The following PARP9 variants were observed in gnomAD, a reference collection of about 807,000 sequenced individuals.
PARP9 encodes protein mono-ADP-ribosyltransferase PARP9.
In PARP9, 48 loss-of-function variants were observed where a neutral mutation model predicts 68.8. The observed-to-expected ratio is 0.70, with a 90% CI of 0.55 to 0.89. The LOEUF (loss-of-function observed/expected upper bound fraction) is 0.89, where lower values mean the gene tolerates loss of function less well. PARP9 is among the 40% of genes least tolerant of loss of function. The pLI is 0.00. For synonymous variants in PARP9, 309 were observed against 333.8 expected (o/e 0.93, Z 0.81); for missense variants, 806 against 969.3 (o/e 0.83, Z 2.24).
Position 122,555,881 on chromosome 3 carries a change from A to G in PARP9, c.290T>C (p.Val97Ala). Reference sequence around the variant, plus strand: ...ATTGGCTGCATTCACCACAGCATCAACAGCATGTGTGGTGAGGTCATCTTT... The same window carrying G: ...ATTGGCTGCATTCACCACAGCATCAGCAGCATGTGTGGTGAGGTCATCTTT... ...VWKDDLTTHAVDAVVNAANED... is the reference protein window; with the variant it reads ...VWKDDLTTHAADAVVNAANED... The change falls in exon 4 of 11, where the codon GTT becomes GCT. Residue 97 changes from valine (V) to alanine (A), a missense_variant. Physicochemically the swap from Val to Ala is moderately conservative, Grantham distance 64. Coordinates refer to ENST00000682323, the MANE Select transcript of PARP9 (RefSeq NM_001146105.2). The G allele has an allele frequency of 6.2e-7, 1 of 1,614,104 alleles. No homozygotes were observed. The highest frequency in any genetic ancestry group is 8.5e-7 in the Non-Finnish European group (1 of 1,180,010).
In PARP9 at chr3:122,555,283, T is replaced by A. The variant is rs377056083; in HGVS notation, c.885+3A>T. 1 of 1,600,972 alleles carries A rather than the reference T, an allele frequency of 6.2e-7. No individual in the cohort carries two copies. Among genetic ancestry groups the A allele is most frequent in the Non-Finnish European group, 8.5e-7 (1 of 1,173,746 alleles). ...GTGCAAGAGAATAGAAACAAAGACT[T>A]ACCGTCTGCCATTCAATGTGGCCCT... On this transcript the variant is annotated splice_donor_region_variant and intron_variant, in intron 4 of 10. Coordinates refer to ENST00000682323, the MANE Select transcript of PARP9 (RefSeq NM_001146105.2).
upstream of PARP9, chr3:122,564,610 G>T (rs1351902821): frequency 1.3e-6 from 2 of 1,589,580 alleles, no homozygotes; most frequent in Admixed American, 3.6e-5. Flanking sequence ...CAGTGAAAGG[G>T]CAGGTGAGCT....
At chr3:122,549,953 G>A (rs927876911) in intron 6 of PARP9, among the ~76,000 whole-genome samples, 1 of 152,030 alleles carries the variant, frequency 6.6e-6, no homozygotes, top group Non-Finnish European at 1.5e-5. Flanking sequence ...GATGAGAGAG[G>A]GGCAAGGACC....
intron 4 of PARP9, among the ~76,000 whole-genome samples, 161 bp from the exon 5 acceptor site, chr3:122,552,800 A>G (rs2079318001): frequency 6.6e-6 from 1 of 152,196 alleles, no homozygotes; most frequent in Non-Finnish European, 1.5e-5. Flanking sequence ...ATTTCCAAAG[A>G]GTGATTATTT....
intron 2 of PARP9, 99 bp from the exon 3 acceptor site, chr3:122,558,566 C>T (rs2079911762): frequency 7.0e-7 from 1 of 1,430,468 alleles, no homozygotes; most frequent in East Asian, 2.3e-5. Flanking sequence ...CAATGGAAAT[C>T]CTGCTCAAAG....
intron 3 of PARP9, 25 bp from the exon 4 acceptor site, chr3:122,556,146 A>AG: frequency 1.9e-6 from 1 of 530,686 alleles, no homozygotes; most frequent in Non-Finnish European, 2.5e-6. Flanking sequence ...AAGATTAAAA[A>AG]AAAAAAAAAA....
At chr3:122,539,623 C>T (rs1410732096) in intron 8 of PARP9, among the ~76,000 whole-genome samples, 8 of 150,006 alleles carry the variant, frequency 5.3e-5, no homozygotes, top group Admixed American at 1.3e-4. Context: ...TGCAATGGTT[C>T]GATCTTGGTT....
intron 6 of PARP9, among the ~76,000 whole-genome samples, chr3:122,549,949 AGAG>A (rs2079064407): frequency 6.6e-6 from 1 of 152,244 alleles, no homozygotes; most frequent in Non-Finnish European, 1.5e-5. Flanking sequence ...GAGAGATGAG[AGAG>A]GGGCAAGGAC....
intron 10 of PARP9, chr3:122,535,008 T>C: frequency 1.0e-6 from 1 of 978,762 alleles, no homozygotes; most frequent in South Asian, 4.7e-5. Flanking sequence ...AAGATGTGTA[T>C]AGATGTTGGG....
At chr3:122,564,464 T>C (rs2080510596), upstream of PARP9, 1 of 1,612,210 alleles carries the variant, frequency 6.2e-7, no homozygotes, top group Non-Finnish European at 8.5e-7. Context: ...CCGCTCCTCG[T>C]GCGGGTGTAC....
Position 122,555,357 on chromosome 3 carries a change from G to T in PARP9, c.814C>A (p.Pro272Thr). 1.2e-6 allele frequency: 2 copies of T among 1,614,124 alleles called. No individual in the cohort carries two copies. The highest frequency in any genetic ancestry group is 8.5e-7 in the Non-Finnish European group (1 of 1,179,992). Residue 272 changes from proline (P) to threonine (T), a missense_variant, in exon 4 of 11, where the codon CCT (proline) becomes ACT (threonine). Transcript: ENST00000682323. The part of the protein sequence containing the change: ...GKSELGQETT[P>T]SFNAMVVNNL... ...TTCACGACCATTGCATTGAAAGAAG[G>T]GGTGGTTTCTTGTCCCAGCTCACTC...
At chr3:122,536,483 A>C in intron 9 of PARP9, 141 bp from the exon 10 acceptor site, 3 of 1,392,662 alleles carry the variant, frequency 2.2e-6, no homozygotes, top group East Asian at 5.0e-5. Flanking sequence ...AAAGTTGCAA[A>C]AGAGTCTCTC....
chr3:122,549,859 T>C (rs2079057064), intron 6 of PARP9, among the ~76,000 whole-genome samples: 1 of 151,498 alleles, frequency 6.6e-6, no homozygotes, highest in Non-Finnish European at 1.5e-5. Context: ...CGGTCAGAGA[T>C]CCAAGTGGAA....
rs1472015063 is a variant in PARP9 at position 122,556,132 on chromosome 3, AGAG to A, written c.50-14_50-12del. On this transcript the variant is annotated splice_polypyrimidine_tract_variant and intron_variant, in intron 3 of 10. Transcript: ENST00000682323. ...CAAGAGCACCAGTCTCTGGAAAAGA[AGAG>A]AAGATTAAAAAAAAAAAAAAAAAAA... 7 of 724,958 alleles carry A rather than the reference AGAG, an allele frequency of 9.7e-6. No homozygotes were observed. Among genetic ancestry groups the A allele is most frequent in the East Asian group, 3.2e-5 (1 of 31,110 alleles). The allele number at this position is 724,958 out of a possible 1,614,324, so 44.9% of individuals were successfully genotyped here.
intron 1 of PARP9, 184 bp downstream of exon 1, chr3:122,564,061 G>A (rs1247793794): frequency 4.4e-6 from 1 of 226,442 alleles, no homozygotes; most frequent in Non-Finnish European, 8.6e-6. Flanking sequence ...AAATAATAGT[G>A]GTAACAGCAG....
rs944651562 is a variant in PARP9 at position 122,558,420 on chromosome 3, C to A, written c.49+14G>T. ...AGACTTTCTGAAACAAGAGTGAGAG[C>A]GAGGTAATCCTACCTGATTTTTCAT... On this transcript the variant is annotated intron_variant, in intron 3 of 10. Coordinates refer to ENST00000682323, the MANE Select transcript of PARP9 (RefSeq NM_001146105.2). The A allele has an allele frequency of 2.5e-6, 4 of 1,613,982 alleles. No individual in the cohort carries two copies. Among genetic ancestry groups the A allele is most frequent in the Non-Finnish European group, 3.4e-6 (4 of 1,179,980 alleles).
intron 6 of PARP9, among the ~76,000 whole-genome samples, chr3:122,546,783 G>A (rs1462271028): frequency 6.6e-6 from 1 of 151,714 alleles, no homozygotes; most frequent in Non-Finnish European, 1.5e-5. Flanking sequence ...AAGGCTTTGA[G>A]GGCAGACAGA....
chr3:122,539,976 T>G (rs1036108322), intron 8 of PARP9, among the ~76,000 whole-genome samples: 5 of 152,312 alleles, frequency 3.3e-5, no homozygotes, highest in Admixed American at 3.3e-4. Flanking sequence ...TCCCGCTGAA[T>G]GGGAGATACT....
intron 1 of PARP9, among the ~76,000 whole-genome samples, chr3:122,562,179 T>TTTTCC (rs2080274346): frequency 7.0e-6 from 1 of 143,646 alleles, no homozygotes. Context: ...TTTTCTTTTC[T>TTTTCC]TTTCTTTTCT....
Sources: gnomAD v4.1 joint callset for allele counts (sites outside exome capture counted in the v4.1 genomes callset) on GRCh38, gnomAD v4.1.1 for gene constraint, MANE v1.5 for transcripts, NCBI Gene and HGNC (gene_info 2026-07-23, HGNC 2026-07-21) for gene names.